Variants in SUSD1 observed in about 807,000 individuals in gnomAD.
The protein encoded by SUSD1 is sushi domain containing 1.
In SUSD1, 65 loss-of-function variants were observed where a neutral mutation model predicts 86.9. The observed-to-expected ratio is 0.75, with a 90% CI of 0.61 to 0.92. The LOEUF (loss-of-function observed/expected upper bound fraction) is 0.92. SUSD1 is among the 40% of genes least tolerant of loss of function. SUSD1 has a pLI of 0.00. For missense variants in SUSD1, 850 were observed against 929.7 expected (o/e 0.91, Z 1.11); for synonymous variants, 346 against 350.0 (o/e 0.99, Z 0.13).
chr9:112,135,493 T>G (rs1832223315), intron 5 of SUSD1, among the ~76,000 whole-genome samples: 1 of 152,220 alleles, frequency 6.6e-6, no homozygotes, highest in Admixed American at 6.5e-5. Flanking sequence ...TAGCAAGATC[T>G]CTTGTAAGGA....
At chr9:112,149,659 T>C (rs1832961851) in intron 2 of SUSD1, among the ~76,000 whole-genome samples, 2 of 152,202 alleles carry the variant, frequency 1.3e-5, no homozygotes, top group Non-Finnish European at 2.9e-5. Context: ...ATTTGAAGAT[T>C]GGGAGAAGAG....
At chr9:112,072,140 C>CTTTTTTTTTTT in intron 12 of SUSD1, among the ~76,000 whole-genome samples, 11 of 121,166 alleles carry the variant, frequency 9.1e-5, no homozygotes, top group Non-Finnish European at 1.3e-4. Context: ...CTTTCTTTCT[C>CTTTTTTTTTTT]TTTTTTTTTT....
chr9:112,129,141 G>A (rs1019722457), intron 5 of SUSD1, among the ~76,000 whole-genome samples: 4 of 152,172 alleles, frequency 2.6e-5, no homozygotes, highest in African/African-American at 9.7e-5. Context: ...ACTTCAGAGG[G>A]GATGGAAATG....
chr9:112,108,337 A>G (rs930326312), intron 8 of SUSD1, among the ~76,000 whole-genome samples: 1 of 152,242 alleles, frequency 6.6e-6, no homozygotes, highest in African/African-American at 2.4e-5. Flanking sequence ...GACTTTTATT[A>G]TCAAACAGAA....
chr9:112,156,117 G>A (rs1407618698), intron 2 of SUSD1, among the ~76,000 whole-genome samples: 4 of 151,482 alleles, frequency 2.6e-5, no homozygotes, highest in African/African-American at 9.7e-5. Flanking sequence ...CTGTACTCCA[G>A]CCTGGGAAAC....
intron 8 of SUSD1, among the ~76,000 whole-genome samples, chr9:112,109,019 A>G (rs1364553486): frequency 1.3e-5 from 2 of 152,298 alleles, no homozygotes; most frequent in African/African-American, 4.8e-5. Flanking sequence ...CTGGGATTAT[A>G]TAACCTATGA....
At chr9:112,137,021 G>T (rs537597371) in intron 5 of SUSD1, among the ~76,000 whole-genome samples, 1 of 152,176 alleles carries the variant, frequency 6.6e-6, no homozygotes, top group South Asian at 2.1e-4. Flanking sequence ...CTGCCTTCTA[G>T]AAAAGTGCAT....
At chr9:112,126,448 T>TA (rs1359564637) in intron 5 of SUSD1, among the ~76,000 whole-genome samples, 1 of 151,722 alleles carries the variant, frequency 6.6e-6, no homozygotes, top group Non-Finnish European at 1.5e-5. Context: ...TGCAAGATTT[T>TA]AAAAAAAAAT....
chr9:112,041,339 C>A lies in SUSD1; in HGVS notation c.*153G>T. 1 of 701,834 alleles carries A rather than the reference C, an allele frequency of 1.4e-6. No individual in the cohort carries two copies. Among genetic ancestry groups the A allele is most frequent in the South Asian group, 1.5e-5 (1 of 65,464 alleles). The allele number at this position is 701,834 out of a possible 1,614,324, so 43.5% of individuals were successfully genotyped here. A position where few individuals can be genotyped will look rare whatever the true frequency, so the allele number is the denominator to read the frequency against. On this transcript the variant is annotated 3_prime_UTR_variant, in exon 17 of 17. Transcript: ENST00000374270. ...CTCAGGGATAGCCACCATCTTAAATCCAGGAATGGGGCCCAGCTGGGAATG... is the reference window on the plus strand; with the variant it reads ...CTCAGGGATAGCCACCATCTTAAATACAGGAATGGGGCCCAGCTGGGAATG...
chr9:112,109,696 C>T (rs150441163), intron 8 of SUSD1, among the ~76,000 whole-genome samples: 6 of 152,282 alleles, frequency 3.9e-5, no homozygotes, highest in Admixed American at 6.5e-5. Context: ...AAACAGCTGA[C>T]GCCAAACAGC....
chr9:112,157,423 G>T lies in SUSD1; in HGVS notation c.217+77C>A, dbSNP rs921820434. Reference sequence around the variant, plus strand: ...ACAAAATAACAATGTTTTTCCCCAAGGACATCAACTCTTTAATACAAGAGA... The same window carrying T: ...ACAAAATAACAATGTTTTTCCCCAATGACATCAACTCTTTAATACAAGAGA... On this transcript the variant is annotated intron_variant, in intron 2 of 16. Transcript: ENST00000374270. 7.4e-6 allele frequency: 7 copies of T among 951,612 alleles called. No individual in the cohort carries two copies. The African/African-American group carries it at 9.9e-5, about 13-fold the overall frequency. 58.9% of individuals were successfully genotyped at this position (951,612 alleles called of 1,614,324 possible).
chr9:112,098,789 T>G (rs1830504887), intron 9 of SUSD1, 127 bp from the exon 10 acceptor site: 1 of 867,204 alleles, frequency 1.2e-6, no homozygotes, highest in Admixed American at 2.6e-5. Flanking sequence ...TTAGAATTAC[T>G]TTTAAGACAA....
chr9:112,108,413 A>G (rs893788714), intron 8 of SUSD1, among the ~76,000 whole-genome samples: 1 of 152,202 alleles, frequency 6.6e-6, no homozygotes, highest in African/African-American at 2.4e-5. Context: ...GAACAATATA[A>G]CCAATTTAAC....
intron 2 of SUSD1, among the ~76,000 whole-genome samples, chr9:112,152,802 T>C (rs1487974044): frequency 7.6e-6 from 1 of 131,560 alleles, no homozygotes; most frequent in Non-Finnish European, 1.5e-5. Context: ...TAACCAAGGC[T>C]GGAGTGCAGT....
At chr9:112,049,070 TG>T (rs1253209936) in intron 15 of SUSD1, among the ~76,000 whole-genome samples, 1 of 152,166 alleles carries the variant, frequency 6.6e-6, no homozygotes, top group Non-Finnish European at 1.5e-5. Context: ...TAGGCTGGAA[TG>T]ACGAGGGAAA....
At chr9:112,100,857 GACACACAC>G (rs5899985) in intron 9 of SUSD1, among the ~76,000 whole-genome samples, 31 of 140,494 alleles carry the variant, frequency 2.2e-4, no homozygotes, top group Non-Finnish European at 3.8e-4. Flanking sequence ...ATTGTACCTG[GACACACAC>G]ACACACACAC....
At chr9:112,062,250 C>T (rs561337652) in intron 13 of SUSD1, among the ~76,000 whole-genome samples, 1 of 152,198 alleles carries the variant, frequency 6.6e-6, no homozygotes, top group Non-Finnish European at 1.5e-5. Context: ...CCCTGACCCA[C>T]CATCCATAAA....
At chr9:112,045,738 A>G (rs1052043931) in intron 15 of SUSD1, among the ~76,000 whole-genome samples, 2 of 152,200 alleles carry the variant, frequency 1.3e-5, no homozygotes, top group South Asian at 2.1e-4. Context: ...TTCTTTGCTC[A>G]TCTCTAGTCC....
Position 112,041,484 on chromosome 9 carries a change from A to C in SUSD1, c.*8T>G, listed in dbSNP as rs779793096. 5.1e-6 allele frequency: 4 copies of C among 780,942 alleles called. No homozygotes were observed. 48.4% of individuals were successfully genotyped at this position (780,942 alleles called of 1,614,324 possible). On this transcript the variant is annotated 3_prime_UTR_variant, in exon 17 of 17. Coordinates refer to ENST00000374270, the MANE Select transcript of SUSD1 (RefSeq NM_022486.5). ...AGTGCATCCTCCCCACTCAGTGTCCATCTGCCATCTAGACATGGAGGAGGA... is the reference window on the plus strand; with the variant it reads ...AGTGCATCCTCCCCACTCAGTGTCCCTCTGCCATCTAGACATGGAGGAGGA...
Sources: allele counts gnomAD v4.1 joint callset (sites outside exome capture counted in the v4.1 genomes callset), GRCh38; gene constraint gnomAD v4.1.1; transcripts MANE v1.5; gene names NCBI Gene and HGNC (gene_info 2026-07-23, HGNC 2026-07-21).